Variants in GPHN observed in about 807,000 individuals in gnomAD.
The protein encoded by GPHN is gephyrin.
Under a neutral mutation model 95.5 loss-of-function variants are expected in GPHN, and 17 were observed. That is an observed-to-expected ratio of 0.18 (90% confidence interval 0.12 to 0.27). The LOEUF (loss-of-function observed/expected upper bound fraction) is 0.27, where lower values mean the gene tolerates loss of function less well. GPHN is among the 10% of genes least tolerant of loss of function. GPHN has a pLI of 1.00. For missense variants in GPHN, 660 were observed against 978.1 expected, an observed-to-expected ratio of 0.67 and a Z score of 4.34; for synonymous variants, 320 against 322.5, an observed-to-expected ratio of 0.99 and a Z score of 0.08.
chr14:67,510,266 T>C, the GPHN span, among the ~76,000 whole-genome samples: 2 of 152,234 alleles, frequency 1.3e-5, no homozygotes, highest in Non-Finnish European at 2.9e-5. Flanking sequence ...AAGCTCTATT[T>C]GTGGAATTAA....
chr14:67,445,915 T>C, the GPHN span, among the ~76,000 whole-genome samples: 9 of 152,164 alleles, frequency 5.9e-5, no homozygotes, highest in African/African-American at 2.2e-4. Context: ...CAGCAGCTCA[T>C]GTACTTCACA....
the GPHN span, among the ~76,000 whole-genome samples, chr14:67,394,567 G>A: frequency 2.0e-5 from 3 of 152,006 alleles, no homozygotes; most frequent in Non-Finnish European, 2.9e-5. Context: ...TAGACCCATA[G>A]GAGGTGTACA....
chr14:67,290,352 A>C, the GPHN span, among the ~76,000 whole-genome samples: 1 of 152,198 alleles, frequency 6.6e-6, no homozygotes, highest in Non-Finnish European at 1.5e-5. Flanking sequence ...AGACCAGTGA[A>C]ATAAAGACAG....
chr14:67,578,751 G>C, the GPHN span: 1 of 719,322 alleles, frequency 1.4e-6, no homozygotes, highest in Non-Finnish European at 2.5e-6. This position sits in a 1 kb window ranked among gnomAD's most constrained non-coding sequence, Gnocchi z 5.0. Flanking sequence ...CCGCTCAGTG[G>C]TCGTGGAGAC....
intron 1 of GPHN, among the ~76,000 whole-genome samples, chr14:66,653,340 C>T (rs564416745): frequency 6.6e-4 from 100 of 152,160 alleles, no homozygotes; most frequent in African/African-American, 2.4e-3. Context: ...ATTGTTGTTC[C>T]TGGTATATAA....
chr14:67,541,766 T>C, the GPHN span: 1 of 1,123,282 alleles, frequency 8.9e-7, no homozygotes, highest in East Asian at 2.8e-5. Flanking sequence ...CCCCTCCCGT[T>C]CTTTCCCCAC....
intron 2 of GPHN, among the ~76,000 whole-genome samples, chr14:66,729,845 A>G (rs1295954019): frequency 1.3e-5 from 2 of 152,218 alleles, no homozygotes; most frequent in Non-Finnish European, 2.9e-5. Context: ...GAAGAGTAGT[A>G]ATTCCCATTT....
chr14:67,606,563 A>C, the GPHN span, among the ~76,000 whole-genome samples: 1 of 152,242 alleles, frequency 6.6e-6, no homozygotes, highest in African/African-American at 2.4e-5. Flanking sequence ...AGGCTTGGAA[A>C]TAAGTTACCT....
At chr14:67,439,585 C>CTTCTTTCTTTT in the GPHN span, among the ~76,000 whole-genome samples, 1 of 132,322 alleles carries the variant, frequency 7.6e-6, no homozygotes, top group African/African-American at 3.1e-5. Context: ...TTCTTTCTTT[C>CTTCTTTCTTTT]TTTCTTTCTT....
the GPHN span, chr14:67,690,041 G>C: frequency 1.7e-6 from 1 of 600,324 alleles, no homozygotes; most frequent in Non-Finnish European, 3.0e-6. Flanking sequence ...CACTGTCCCA[G>C]CCAGCCACCT....
intron 4 of GPHN, among the ~76,000 whole-genome samples, chr14:66,852,258 G>A (rs1419548439): frequency 6.6e-6 from 1 of 152,104 alleles, no homozygotes; most frequent in Non-Finnish European, 1.5e-5. Flanking sequence ...TAATAGTACT[G>A]GCCACTTGTT....
chr14:67,109,108 T>C (rs1281359492), intron 13 of GPHN, among the ~76,000 whole-genome samples: 3 of 152,084 alleles, frequency 2.0e-5, no homozygotes, highest in Admixed American at 1.3e-4. Context: ...ACGTAAGCAA[T>C]TATAATGGTA....
At chr14:67,424,908 T>C in the GPHN span, among the ~76,000 whole-genome samples, 3 of 152,330 alleles carry the variant, frequency 2.0e-5, no homozygotes, top group Non-Finnish European at 2.9e-5. Context: ...TTTCCCTCAG[T>C]TCCTTCCTCC....
chr14:66,784,840 T>A (rs550353100), intron 3 of GPHN, among the ~76,000 whole-genome samples: 233 of 151,890 alleles, frequency 1.5e-3, no homozygotes, highest in African/African-American at 5.4e-3. Flanking sequence ...AAACAGAAAA[T>A]AGATAATAAA....
chr14:67,548,322 C>T, the GPHN span, among the ~76,000 whole-genome samples: 1 of 152,186 alleles, frequency 6.6e-6, no homozygotes, highest in South Asian at 2.1e-4. Flanking sequence ...GACTACATGG[C>T]ATCAATATTA....
At chr14:66,665,612 G>C (rs1436791170) in intron 1 of GPHN, among the ~76,000 whole-genome samples, 1 of 152,186 alleles carries the variant, frequency 6.6e-6, no homozygotes, top group East Asian at 1.9e-4. Flanking sequence ...AAGTGCTGGA[G>C]GGGATGTGGA....
At chr14:66,830,312 T>C (rs1045999516) in intron 4 of GPHN, among the ~76,000 whole-genome samples, 1 of 152,146 alleles carries the variant, frequency 6.6e-6, no homozygotes, top group African/African-American at 2.4e-5. Flanking sequence ...TTTTGCCATA[T>C]TGAAGTGTAT....
chr14:66,624,823 G>C (rs963538153), intron 1 of GPHN, among the ~76,000 whole-genome samples: 1 of 152,184 alleles, frequency 6.6e-6, no homozygotes, highest in East Asian at 1.9e-4. Context: ...ACCTTAGACA[G>C]TATTCCTAAG....
At chr14:67,231,306 T>A in the GPHN span, among the ~76,000 whole-genome samples, 1 of 152,276 alleles carries the variant, frequency 6.6e-6, no homozygotes, top group South Asian at 2.1e-4. Flanking sequence ...TGAGGAAACT[T>A]TTTAAGGTGA....
Sources: gnomAD v4.1 joint callset for allele counts (sites outside exome capture counted in the v4.1 genomes callset) on GRCh38, gnomAD v4.1.1 for gene constraint, Gnocchi (gnomAD v3.1) non-coding constraint, MANE v1.5 for transcripts, NCBI Gene and HGNC (gene_info 2026-07-23, HGNC 2026-07-21) for gene names.